HS6ST3: variants seen among roughly 807,000 people sequenced by gnomAD.
HS6ST3 encodes heparan sulfate 6-O-sulfotransferase 3, also known as heparan-sulfate 6-O-sulfotransferase 3.
A neutral mutation model predicts 36.7 loss-of-function variants in HS6ST3; 12 were observed. The observed-to-expected ratio is 0.33, with a 90% CI of 0.21 to 0.53. The LOEUF is 0.53. Ranked by LOEUF, HS6ST3 falls within the 20% of genes least tolerant of loss-of-function variation. The pLI is 0.95. For missense variants in HS6ST3, 584 were observed against 640.9 expected (o/e 0.91, Z 0.96); for synonymous variants, 240 against 257.5 (o/e 0.93, Z 0.65).
At chr13:96,684,007 C>T (rs1874695992) in intron 1 of HS6ST3, among the ~76,000 whole-genome samples, 1 of 152,064 alleles carries the variant, frequency 6.6e-6, no homozygotes, top group African/African-American at 2.4e-5. Flanking sequence ...TCACTTTCTA[C>T]AAGTCCTTTA....
chr13:96,566,972 A>G (rs994705300), intron 1 of HS6ST3, among the ~76,000 whole-genome samples: 1 of 152,168 alleles, frequency 6.6e-6, no homozygotes, highest in Non-Finnish European at 1.5e-5. Context: ...AGCGTTCTCT[A>G]ATTTTACAAA....
At chr13:96,538,750 A>C (rs1401021371) in intron 1 of HS6ST3, among the ~76,000 whole-genome samples, 1 of 152,164 alleles carries the variant, frequency 6.6e-6, no homozygotes. Flanking sequence ...AGCTAAGCAC[A>C]TGAAAATCGA....
intron 1 of HS6ST3, among the ~76,000 whole-genome samples, chr13:96,313,718 A>G (rs2054953375): frequency 6.6e-6 from 1 of 152,168 alleles, no homozygotes; most frequent in Non-Finnish European, 1.5e-5. Context: ...AGCTTAAGTC[A>G]CTGAAATAGC....
chr13:96,704,016 A>G (rs539215944), intron 1 of HS6ST3, among the ~76,000 whole-genome samples: 1 of 152,276 alleles, frequency 6.6e-6, no homozygotes, highest in South Asian at 2.1e-4. Context: ...CCAGCCATGT[A>G]GAACTGTGAG....
At position 96,641,675 on chromosome 13, in the gene HS6ST3, C is replaced by T. The variant is rs189736700; in HGVS notation, c.708-190815C>T. Among the ~76,000 whole-genome samples the T allele has an allele frequency of 6.6e-5, 10 of 151,730 alleles. No individual in the cohort carries two copies. In the East Asian group the frequency reaches 1.9e-3, roughly 29 times the overall value. ...TTTTTAAATTATATTTTTTGAGTTACTTTCTTAGTGGTTGCCCTGAGGATT... is the reference window on the plus strand; with the variant it reads ...TTTTTAAATTATATTTTTTGAGTTATTTTCTTAGTGGTTGCCCTGAGGATT... On this transcript the variant is annotated intron_variant, in intron 1 of 1. Transcript: ENST00000376705.
intron 1 of HS6ST3, among the ~76,000 whole-genome samples, chr13:96,263,815 A>G (rs2054677985): frequency 6.6e-6 from 1 of 152,220 alleles, no homozygotes; most frequent in Non-Finnish European, 1.5e-5. Flanking sequence ...CCAGATCTGG[A>G]TGTTCCACTC....
intron 1 of HS6ST3, among the ~76,000 whole-genome samples, chr13:96,693,156 G>A (rs183964556): frequency 8.3e-4 from 126 of 152,140 alleles, no homozygotes; most frequent in African/African-American, 2.9e-3. Context: ...TAGGTGATGG[G>A]TAAAAAAGTT....
At chr13:96,239,815 A>C (rs1217731840) in intron 1 of HS6ST3, among the ~76,000 whole-genome samples, 2 of 152,198 alleles carry the variant, frequency 1.3e-5, no homozygotes, top group African/African-American at 4.8e-5. Flanking sequence ...TTCCTACCTG[A>C]ATCCATGTAG....
At chr13:96,453,726 G>A (rs962284385) in intron 1 of HS6ST3, among the ~76,000 whole-genome samples, 20 of 152,116 alleles carry the variant, frequency 1.3e-4, no homozygotes, top group African/African-American at 4.6e-4. Context: ...GTCACCATAC[G>A]CCTGGAAATC....
intron 1 of HS6ST3, among the ~76,000 whole-genome samples, chr13:96,392,266 A>G (rs887254078): frequency 6.6e-6 from 1 of 152,162 alleles, no homozygotes; most frequent in African/African-American, 2.4e-5. Flanking sequence ...TGGCCACATT[A>G]AATAAGACAA....
chr13:96,112,539 G>C (rs568170), intron 1 of HS6ST3, among the ~76,000 whole-genome samples: 116,714 of 134,224 alleles, frequency 0.87, 50,926 homozygotes, highest in East Asian at 0.92. Flanking sequence ...TTGAGACCAG[G>C]TTGGGCAACA....
chr13:96,246,113 C>T (rs188915215), intron 1 of HS6ST3, among the ~76,000 whole-genome samples: 2 of 152,078 alleles, frequency 1.3e-5, no homozygotes, highest in Admixed American at 6.6e-5. Context: ...ACATGAGTGG[C>T]TGTTTTGTTG....
At chr13:96,127,454 C>G (rs1566888646) in intron 1 of HS6ST3, among the ~76,000 whole-genome samples, 3 of 152,222 alleles carry the variant, frequency 2.0e-5, no homozygotes, top group Non-Finnish European at 4.4e-5. Context: ...TGCTGCTGAT[C>G]TGGCAGGAGG....
chr13:96,300,893 G>A (rs886477461), intron 1 of HS6ST3, among the ~76,000 whole-genome samples: 9 of 152,104 alleles, frequency 5.9e-5, no homozygotes, highest in African/African-American at 2.4e-5. Flanking sequence ...AACATTTTGC[G>A]TAACATCAAA....
At chr13:96,570,748 T>C (rs2056298223) in intron 1 of HS6ST3, among the ~76,000 whole-genome samples, 1 of 152,158 alleles carries the variant, frequency 6.6e-6, no homozygotes, top group African/African-American at 2.4e-5. Context: ...TGACAAGGAA[T>C]AACACAGTGA....
At chr13:96,360,797 A>C (rs1227109260) in intron 1 of HS6ST3, among the ~76,000 whole-genome samples, 1 of 152,036 alleles carries the variant, frequency 6.6e-6, no homozygotes, top group African/African-American at 2.4e-5. Flanking sequence ...AAATACAAAA[A>C]TTAGCCAGGT....
At chr13:96,627,687 A>G (rs1419259101) in intron 1 of HS6ST3, among the ~76,000 whole-genome samples, 1 of 151,970 alleles carries the variant, frequency 6.6e-6, no homozygotes, top group African/African-American at 2.4e-5. Context: ...AAAATATTTT[A>G]AACTATGGAT....
intron 1 of HS6ST3, among the ~76,000 whole-genome samples, chr13:96,307,856 A>T (rs927008347): frequency 1.3e-5 from 2 of 152,142 alleles, no homozygotes; most frequent in African/African-American, 4.8e-5. Context: ...TTGATTAATT[A>T]TGCTTACAAG....
chr13:96,553,579 T>C (rs2056228299), intron 1 of HS6ST3, among the ~76,000 whole-genome samples: 1 of 152,114 alleles, frequency 6.6e-6, no homozygotes, highest in Non-Finnish European at 1.5e-5. Flanking sequence ...AGAGCAGGTG[T>C]AGAGATAGGA....
Sources: gnomAD v4.1 joint callset for allele counts (sites outside exome capture counted in the v4.1 genomes callset) on GRCh38, gnomAD v4.1.1 for gene constraint, MANE v1.5 for transcripts, NCBI Gene and HGNC (gene_info 2026-07-23, HGNC 2026-07-21) for gene names.